PPA2: variants seen among roughly 807,000 people sequenced by gnomAD.
PPA2 encodes the protein inorganic pyrophosphatase 2, also known as inorganic pyrophosphatase 2, mitochondrial.
A neutral mutation model predicts 49.5 loss-of-function variants in PPA2; 48 were observed. The ratio of observed to expected loss-of-function variants is 0.97; its 90% CI spans 0.77 to 1.23. The LOEUF is 1.23. PPA2 is among the 50% of genes most tolerant of loss of function. PPA2 has a pLI of 0.00. For missense variants in PPA2, 429 were observed against 410.1 expected, an observed-to-expected ratio of 1.05 and a Z score of -0.40; for synonymous variants, 131 against 139.9, an observed-to-expected ratio of 0.94 and a Z score of 0.45.
At chr4:105,459,020 T>C (rs1722979067) in intron 1 of PPA2, among the ~76,000 whole-genome samples, 1 of 152,106 alleles carries the variant, frequency 6.6e-6, no homozygotes. Flanking sequence ...TCTGGGAAAG[T>C]ACCTAGCACT....
intron 7 of PPA2, among the ~76,000 whole-genome samples, chr4:105,416,834 T>C (rs908416963): frequency 6.6e-6 from 1 of 152,164 alleles, no homozygotes; most frequent in Non-Finnish European, 1.5e-5. Flanking sequence ...TTTTCATAAA[T>C]TGTACTCTTA....
intron 6 of PPA2, among the ~76,000 whole-genome samples, chr4:105,427,743 G>A (rs900284801): frequency 6.6e-6 from 1 of 152,210 alleles, no homozygotes; most frequent in Non-Finnish European, 1.5e-5. Flanking sequence ...TGAAAGTGAT[G>A]GGGAGAATGG....
intron 6 of PPA2, 73 bp from the exon 7 acceptor site, chr4:105,424,395 A>G: frequency 7.6e-7 from 1 of 1,312,714 alleles, no homozygotes; most frequent in Non-Finnish European, 1.0e-6. Flanking sequence ...AATCCATATA[A>G]AAGATTAAAA....
Position 105,405,355 on chromosome 4 carries a change from C to A in PPA2, c.656-6191G>T, listed in dbSNP as rs1722415933. ...ATAGTTTTTCACTTATAGTAAAGAC[C>A]CTAAATGAATTTGTAATTAATTTCT... On this transcript the variant is annotated intron_variant, in intron 7 of 11. Coordinates refer to ENST00000341695, the MANE Select transcript of PPA2 (RefSeq NM_176869.3). 3 of 760,064 alleles carry A rather than the reference C, an allele frequency of 3.9e-6. No homozygotes were observed. The South Asian group carries it at 1.8e-4, about 46-fold the overall frequency. 47.1% of individuals were successfully genotyped at this position (760,064 alleles called of 1,614,324 possible).
In PPA2 at chr4:105,420,804, C is replaced by A. The variant is rs570645178; in HGVS notation, c.655+3392G>T. Among the ~76,000 whole-genome samples, 8 of 152,194 alleles carry A rather than the reference C, an allele frequency of 5.3e-5. No individual in the cohort carries two copies. In the South Asian group the frequency reaches 1.5e-3, roughly 28 times the overall value. On this transcript the variant is annotated intron_variant, in intron 7 of 11. Transcript: ENST00000341695. ...ACTAACCAAGCATTGAAAAGAAACCCGCAGGTGATAGCTATGCAGGAGGTT... is the reference window on the plus strand; with the variant it reads ...ACTAACCAAGCATTGAAAAGAAACCAGCAGGTGATAGCTATGCAGGAGGTT...
intron 1 of PPA2, 170 bp downstream of exon 1, chr4:105,473,724 C>G: frequency 9.6e-7 from 1 of 1,045,340 alleles, no homozygotes; most frequent in Non-Finnish European, 1.5e-6. Context: ...GTTCTCGTGA[C>G]TCGGTGCGCG....
chr4:105,396,308 G>A lies in PPA2; in HGVS notation c.810C>T (p.Ser270=). 1.9e-6 allele frequency: 3 copies of A among 1,596,762 alleles called. No individual in the cohort carries two copies. Among genetic ancestry groups the A allele is most frequent in the South Asian group, 1.1e-5 (1 of 87,216 alleles). Residue 270 remains serine (S), a synonymous_variant, in exon 9 of 12, where the codon TCC becomes TCT. Transcript: ENST00000341695. ...NKAFALEVIK[S]THQCWKALLM... Reference sequence around the variant, plus strand: ...GCAATGCTTTCCAACATTGATGAGTGGATTTAATAACTTCAAGAGCAAAAG... The same window carrying A: ...GCAATGCTTTCCAACATTGATGAGTAGATTTAATAACTTCAAGAGCAAAAG...
intron 10 of PPA2, among the ~76,000 whole-genome samples, chr4:105,375,092 A>G (rs1030614524): frequency 1.3e-5 from 2 of 152,024 alleles, no homozygotes; most frequent in Admixed American, 1.3e-4. Flanking sequence ...TCGCTTTAGA[A>G]TCAACAATAT....
At chr4:105,456,978 C>T (rs967740103) in intron 1 of PPA2, among the ~76,000 whole-genome samples, 1 of 152,028 alleles carries the variant, frequency 6.6e-6, no homozygotes. Flanking sequence ...ATTTACTTAT[C>T]CCTGTGGCTT....
intron 1 of PPA2, among the ~76,000 whole-genome samples, chr4:105,457,248 G>C (rs1189830475): frequency 6.6e-6 from 1 of 152,064 alleles, no homozygotes; most frequent in African/African-American, 2.4e-5. Flanking sequence ...TAATACTAAG[G>C]TAAGCTTAGA....
intron 1 of PPA2, among the ~76,000 whole-genome samples, chr4:105,466,079 C>T (rs773182294): frequency 1.3e-5 from 2 of 152,068 alleles, no homozygotes; most frequent in Non-Finnish European, 1.5e-5. Flanking sequence ...TGTCTCAGAA[C>T]ACCATTCAAC....
chr4:105,443,141 A>G (rs1169756660), intron 5 of PPA2, among the ~76,000 whole-genome samples: 2 of 152,154 alleles, frequency 1.3e-5, no homozygotes, highest in Non-Finnish European at 2.9e-5. Context: ...GAAATAAAGT[A>G]TGAGAGGGGG....
At chr4:105,452,909 CATTTAGAATATATAT>C (rs138880744) in intron 3 of PPA2, among the ~76,000 whole-genome samples, 21,724 of 151,606 alleles carry the variant, frequency 0.14, 1,783 homozygotes, top group African/African-American at 0.22. Flanking sequence ...TTTTAGCATA[CATTTAGAATATATAT>C]ATTTAGAATA....
In PPA2 at chr4:105,449,423, A is replaced by G. The variant is rs781543918; in HGVS notation, c.268-20T>C. 1.7e-5 allele frequency: 26 copies of G among 1,505,310 alleles called. No individual in the cohort carries two copies. The Admixed American group carries it at 4.5e-4, about 26-fold the overall frequency. The allele number at this position is 1,505,310 out of a possible 1,614,324, so 93.2% of individuals were successfully genotyped here. ...CAGATTCTGCAGTTAAAAACAAAAC[A>G]AAGAGAGAACATTAAAAATTTTACC... On this transcript the variant is annotated intron_variant, in intron 3 of 11. Coordinates refer to ENST00000341695, the MANE Select transcript of PPA2 (RefSeq NM_176869.3).
In PPA2 at chr4:105,474,004, G is replaced by A. The variant is rs774621416; in HGVS notation, c.47C>T (p.Ala16Val). The stretch of plus-strand genomic sequence containing the variant: ...TGCACTGGTCCCCAACCGCAGGCAC[G>A]CAGCGGCTGGGGCACCCGTGCGCAG... ...RLLRTGAPAA[A>V]CLRLGTSAGT... The change falls in exon 1 of 12, where the codon GCG becomes GTG. Residue 16 changes from alanine (A) to valine (V), a missense_variant. By Grantham distance (64) the Ala-to-Val change is moderately conservative (BLOSUM62 0). Coordinates refer to ENST00000341695, the MANE Select transcript of PPA2 (RefSeq NM_176869.3). The A allele has an allele frequency of 2.9e-5, 47 of 1,605,112 alleles. No homozygotes were observed. The highest frequency in any genetic ancestry group is 3.9e-5 in the Non-Finnish European group (46 of 1,176,260).
intron 7 of PPA2, among the ~76,000 whole-genome samples, chr4:105,415,783 C>A (rs1722981336): frequency 6.6e-6 from 1 of 152,220 alleles, no homozygotes; most frequent in African/African-American, 2.4e-5. Context: ...CTGCTGCCAA[C>A]AATAGTATGT....
At chr4:105,371,869 A>G (rs1194260166) in intron 10 of PPA2, among the ~76,000 whole-genome samples, 1 of 152,142 alleles carries the variant, frequency 6.6e-6, no homozygotes, top group Admixed American at 6.5e-5. Flanking sequence ...ATGTGTCTGG[A>G]TGCAGCAGAG....
At chr4:105,380,473 T>C (rs2110367449) in intron 10 of PPA2, among the ~76,000 whole-genome samples, 1 of 152,312 alleles carries the variant, frequency 6.6e-6, no homozygotes, top group East Asian at 1.9e-4. Context: ...AAATTGTTTT[T>C]CTGGGCATAT....
At chr4:105,456,075 G>C (rs1722863970) in intron 2 of PPA2, 1 of 353,712 alleles carries the variant, frequency 2.8e-6, no homozygotes, top group South Asian at 2.6e-5. Context: ...AGTTCTCCTG[G>C]CATCTTTCAC....
Sources: gnomAD v4.1 joint callset for allele counts (sites outside exome capture counted in the v4.1 genomes callset) on GRCh38, gnomAD v4.1.1 for gene constraint, MANE v1.5 for transcripts, NCBI Gene and HGNC (gene_info 2026-07-23, HGNC 2026-07-21) for gene names.